Variants in HERC4 observed in about 807,000 individuals in gnomAD.
The protein encoded by HERC4 is probable E3 ubiquitin-protein ligase HERC4.
In HERC4, 28 loss-of-function variants were observed where a neutral mutation model predicts 124.3. The ratio of observed to expected loss-of-function variants is 0.23; its 90% CI spans 0.17 to 0.31. HERC4 has a LOEUF of 0.31. Among genes scored for constraint, HERC4 ranks in the 10% least tolerant of loss-of-function variants. The pLI is 1.00. For synonymous variants in HERC4, 407 were observed against 421.5 expected, an observed-to-expected ratio of 0.97 and a Z score of 0.42; for missense variants, 713 against 1,229.3, an observed-to-expected ratio of 0.58 and a Z score of 6.28.
chr10:68,019,425 T>G (rs892834008), intron 8 of HERC4, among the ~76,000 whole-genome samples: 2 of 151,942 alleles, frequency 1.3e-5, no homozygotes, highest in Non-Finnish European at 2.9e-5. Context: ...AAATTAGAGA[T>G]CACAGAAAGA....
chr10:68,057,708 A>AT (rs112719465), intron 3 of HERC4, among the ~76,000 whole-genome samples: 47 of 146,898 alleles, frequency 3.2e-4, no homozygotes, highest in Admixed American at 8.1e-4. Flanking sequence ...ACACCTTATT[A>AT]TTTTTTTTTT....
At chr10:67,932,526 T>C in intron 23 of HERC4, 71 bp downstream of exon 23, 1 of 1,335,820 alleles carries the variant, frequency 7.5e-7, no homozygotes, top group Non-Finnish European at 1.0e-6. Context: ...TAAAAAATAA[T>C]ACATAAAAAG....
chr10:67,930,271 C>T (rs746236227), intron 23 of HERC4, among the ~76,000 whole-genome samples: 3 of 152,068 alleles, frequency 2.0e-5, no homozygotes, highest in Admixed American at 6.6e-5. Context: ...AACACACATA[C>T]CATAAAGTTT....
Position 68,044,403 on chromosome 10 carries a change from C to G in HERC4, c.386+1G>C, listed in dbSNP as rs1314220963. On this transcript the variant is annotated splice_donor_variant, in intron 4 of 24. Coordinates refer to ENST00000373700, the MANE Select transcript of HERC4 (RefSeq NM_015601.4). LOFTEE classifies it high-confidence loss of function. ...GACCTCTTTCTGGTCACCTTTGTTA[C>G]CTGGGTACTCTGATGCATTCCTCTG... 6.2e-7 allele frequency: 1 copy of G among 1,606,272 alleles called. No individual in the cohort carries two copies. Among genetic ancestry groups the G allele is most frequent in the Non-Finnish European group, 8.5e-7 (1 of 1,177,906 alleles).
intron 3 of HERC4, among the ~76,000 whole-genome samples, chr10:68,045,140 G>A: frequency 6.6e-6 from 1 of 152,162 alleles, no homozygotes; most frequent in East Asian, 1.9e-4. Flanking sequence ...GGCCAAAACG[G>A]TGAAACCCCA....
Position 67,936,193 on chromosome 10 carries a change from C to T in HERC4, c.2614G>A (p.Val872Ile). 6.2e-7 allele frequency: 1 copy of T among 1,602,832 alleles called. No individual in the cohort carries two copies. Among genetic ancestry groups the T allele is most frequent in the Non-Finnish European group, 8.5e-7 (1 of 1,176,126 alleles). ...ACAGCTGTGTCTGCACCATTTAGAA[C>T]CAGCTCTTTCACTTCTGTTGCACCA... The part of the protein sequence containing the change: ...NFGATEVKEL[V>I]LNGADTAVNK... Residue 872 changes from valine (V) to isoleucine (I), a missense_variant, in exon 22 of 25, where the codon GTT (valine) becomes ATT (isoleucine). Transcript: ENST00000373700.
At chr10:68,003,556 C>T (rs1482443490) in intron 9 of HERC4, among the ~76,000 whole-genome samples, 1 of 152,100 alleles carries the variant, frequency 6.6e-6, no homozygotes, top group Non-Finnish European at 1.5e-5. Context: ...ATTCTATTCT[C>T]TATCTCTGTG....
intron 15 of HERC4, among the ~76,000 whole-genome samples, chr10:67,967,357 C>T (rs2132458510): frequency 6.6e-6 from 1 of 152,176 alleles, no homozygotes; most frequent in South Asian, 2.1e-4. Context: ...TTTATAACTA[C>T]AACACAGTAT....
chr10:67,977,695 T>C (rs1255765408), intron 15 of HERC4, among the ~76,000 whole-genome samples: 1 of 152,164 alleles, frequency 6.6e-6, no homozygotes, highest in Non-Finnish European at 1.5e-5. Context: ...TAAAGAGCCC[T>C]TAAGGACCAG....
chr10:68,019,366 T>A (rs777457810), intron 8 of HERC4, among the ~76,000 whole-genome samples: 2 of 152,126 alleles, frequency 1.3e-5, no homozygotes, highest in Non-Finnish European at 2.9e-5. Context: ...GAAGTTATTA[T>A]GGTGTCTATA....
intron 17 of HERC4, chr10:67,955,357 C>A: frequency 2.4e-6 from 1 of 420,522 alleles, no homozygotes; most frequent in Non-Finnish European, 4.2e-6. Context: ...ACTCATAACA[C>A]CATTAGAGTA....
intron 24 of HERC4, among the ~76,000 whole-genome samples, chr10:67,924,869 C>A (rs1564906344): frequency 6.6e-6 from 1 of 152,198 alleles, no homozygotes; most frequent in Admixed American, 6.5e-5. Flanking sequence ...AGTTTGCTTT[C>A]ATTTCCAAGT....
chr10:67,922,982 G>C lies in HERC4; in HGVS notation c.3099C>G (p.Arg1033=). Residue 1033 remains arginine, a synonymous_variant, in exon 25 of 25, where the codon CGC becomes CGG. Coordinates refer to ENST00000373700, the MANE Select transcript of HERC4 (RefSeq NM_015601.4). ...GATCAATAGCTTGGATCAGTTTAGA[G>C]CGTAGAGTTTCTTTTTCTGTATATT... ...LPKYTEKETL[R]SKLIQAIDHN... The C allele has an allele frequency of 6.2e-7, 1 of 1,613,812 alleles. No individual in the cohort carries two copies. The highest frequency in any genetic ancestry group is 8.5e-7 in the Non-Finnish European group (1 of 1,179,778).
chr10:68,029,441 G>A (rs975266026), intron 7 of HERC4, among the ~76,000 whole-genome samples: 2 of 151,562 alleles, frequency 1.3e-5, no homozygotes, highest in Non-Finnish European at 2.9e-5. Context: ...ACAGTGGGCC[G>A]AGATCGCACC....
At chr10:68,030,519 GT>G (rs1439229382) in intron 7 of HERC4, among the ~76,000 whole-genome samples, 3 of 152,174 alleles carry the variant, frequency 2.0e-5, no homozygotes, top group Non-Finnish European at 4.4e-5. Context: ...ACAGAAAGCT[GT>G]TCCATACACC....
intron 9 of HERC4, chr10:68,010,832 G>A (rs2037906005): frequency 1.3e-6 from 2 of 1,532,516 alleles, no homozygotes; most frequent in South Asian, 1.1e-5. Context: ...CAGGAGCTTG[G>A]CAAATTGCTC....
intron 9 of HERC4, among the ~76,000 whole-genome samples, chr10:68,004,274 T>G (rs192084081): frequency 6.6e-6 from 1 of 152,098 alleles, no homozygotes; most frequent in Non-Finnish European, 1.5e-5. Flanking sequence ...AACAACAGAG[T>G]TGTCTTTATA....
chr10:67,956,846 A>T (rs78135151), intron 17 of HERC4, 32 bp downstream of exon 17: 14 of 837,114 alleles, frequency 1.7e-5, no homozygotes, highest in South Asian at 1.2e-4. Context: ...AGAAACAATT[A>T]AAAAAAAAAA....
chr10:67,984,758 AT>A (rs1035888828), intron 15 of HERC4, among the ~76,000 whole-genome samples: 127 of 152,046 alleles, frequency 8.4e-4, no homozygotes, highest in African/African-American at 2.9e-3. Context: ...AATTTTTGTA[AT>A]TTTTAGTAGA....
Sources: gnomAD v4.1 joint callset for allele counts (sites outside exome capture counted in the v4.1 genomes callset) on GRCh38, gnomAD v4.1.1 for gene constraint, MANE v1.5 for transcripts, NCBI Gene and HGNC (gene_info 2026-07-23, HGNC 2026-07-21) for gene names.